The following FHIT variants were observed in gnomAD, a reference collection of about 807,000 sequenced individuals.
FHIT encodes fragile histidine triad diadenosine triphosphatase.
FHIT carries 19 observed loss-of-function variants against 17.9 expected under a neutral mutation model. The observed-to-expected ratio is 1.06, with a 90% CI of 0.74 to 1.56. The LOEUF (loss-of-function observed/expected upper bound fraction) is 1.56, where lower values mean the gene tolerates loss of function less well. Among genes scored for constraint, FHIT ranks in the 40% most tolerant of loss-of-function variants. The probability of loss-of-function intolerance (pLI) is 0.00; values close to 1 mark genes in which losing one functional copy is unlikely to be tolerated. For missense variants in FHIT, 248 were observed against 189.2 expected (o/e 1.31, Z -1.82); for synonymous variants, 81 against 69.7 (o/e 1.16, Z -0.81).
At chr3:59,890,844 G>T (rs1703824148) in intron 8 of FHIT, among the ~76,000 whole-genome samples, 1 of 152,182 alleles carries the variant, frequency 6.6e-6, no homozygotes, top group Non-Finnish European at 1.5e-5. Flanking sequence ...GCTTAGCTGA[G>T]CATTTTTCAA....
At chr3:60,877,167 C>T (rs1305347327) in intron 3 of FHIT, among the ~76,000 whole-genome samples, 1 of 152,186 alleles carries the variant, frequency 6.6e-6, no homozygotes, top group Admixed American at 6.5e-5. Context: ...GCCCACATGG[C>T]AACTGTGCTA....
chr3:60,282,102 G>T (rs970684619), intron 5 of FHIT, among the ~76,000 whole-genome samples: 4 of 152,166 alleles, frequency 2.6e-5, no homozygotes, highest in African/African-American at 7.2e-5. Flanking sequence ...CAGTTTTACA[G>T]TTTCTTATAA....
intron 2 of FHIT, among the ~76,000 whole-genome samples, chr3:61,183,974 T>C (rs1427781450): frequency 6.6e-6 from 1 of 152,064 alleles, no homozygotes; most frequent in Non-Finnish European, 1.5e-5. Flanking sequence ...CGCCCTCCAT[T>C]TTTTACTTCT....
intron 5 of FHIT, among the ~76,000 whole-genome samples, chr3:60,026,813 A>G (rs1199747044): frequency 6.6e-6 from 1 of 152,096 alleles, no homozygotes; most frequent in East Asian, 1.9e-4. Flanking sequence ...AAATTAGTAG[A>G]TCTGGCCAGG....
At chr3:59,913,835 TA>T (rs1338464500) in intron 8 of FHIT, among the ~76,000 whole-genome samples, 1 of 152,180 alleles carries the variant, frequency 6.6e-6, no homozygotes, top group Non-Finnish European at 1.5e-5. Context: ...AATAAACCAC[TA>T]TGTTGACTCA....
chr3:60,214,576 T>G (rs1365950671), intron 5 of FHIT, among the ~76,000 whole-genome samples: 2 of 152,140 alleles, frequency 1.3e-5, no homozygotes, highest in African/African-American at 4.8e-5. Context: ...GAATGTAAAT[T>G]AGTTCACTCA....
intron 3 of FHIT, among the ~76,000 whole-genome samples, chr3:60,855,850 A>G (rs1271990714): frequency 6.6e-6 from 1 of 152,148 alleles, no homozygotes; most frequent in Non-Finnish European, 1.5e-5. Flanking sequence ...TAAGACTGAC[A>G]AGATGAATGA....
At chr3:60,075,826 G>C (rs1392870048) in intron 5 of FHIT, among the ~76,000 whole-genome samples, 1 of 152,034 alleles carries the variant, frequency 6.6e-6, no homozygotes, top group Non-Finnish European at 1.5e-5. Flanking sequence ...ATGAAGCTGA[G>C]TTTATGCCCT....
intron 1 of FHIT, among the ~76,000 whole-genome samples, chr3:61,214,741 T>C (rs915047954): frequency 1.0e-3 from 152 of 152,264 alleles, no homozygotes; most frequent in Non-Finnish European, 1.8e-3. Flanking sequence ...TGATGAACAT[T>C]GATGCAAATA....
intron 2 of FHIT, among the ~76,000 whole-genome samples, chr3:61,160,613 G>A (rs2037660585): frequency 6.6e-6 from 1 of 152,012 alleles, no homozygotes; most frequent in Non-Finnish European, 1.5e-5. Flanking sequence ...AATAATGGTA[G>A]TCATGTCCTC....
intron 5 of FHIT, among the ~76,000 whole-genome samples, chr3:60,289,383 G>A (rs893538367): frequency 2.6e-5 from 4 of 152,100 alleles, no homozygotes; most frequent in Non-Finnish European, 5.9e-5. Context: ...GTTTGGGATC[G>A]AAAGGACCTT....
At chr3:60,435,405 A>G (rs2030128604) in intron 5 of FHIT, among the ~76,000 whole-genome samples, 2 of 151,506 alleles carry the variant, frequency 1.3e-5, no homozygotes, top group South Asian at 2.1e-4. Context: ...TTGATGTACT[A>G]TTGGGGAATT....
chr3:59,913,719 C>A (rs76999115), intron 8 of FHIT, among the ~76,000 whole-genome samples: 1 of 152,100 alleles, frequency 6.6e-6, no homozygotes, highest in Non-Finnish European at 1.5e-5. Context: ...TGACCACTAA[C>A]CTTACACTAG....
chr3:60,977,066 C>T (rs1237938703), intron 3 of FHIT, among the ~76,000 whole-genome samples: 1 of 152,046 alleles, frequency 6.6e-6, no homozygotes, highest in African/African-American at 2.4e-5. Flanking sequence ...CTGTTGACAC[C>T]CATGTCACAT....
intron 7 of FHIT, among the ~76,000 whole-genome samples, chr3:59,951,875 T>G (rs1707134162): frequency 6.6e-6 from 1 of 152,156 alleles, no homozygotes; most frequent in Non-Finnish European, 1.5e-5. Context: ...TTCTCCTCTC[T>G]CCATGTCTCT....
Position 60,976,106 on chromosome 3 carries a change from T to C in FHIT, c.-111+65941A>G, listed in dbSNP as rs902012355. On this transcript the variant is annotated intron_variant, in intron 3 of 9. Transcript: ENST00000492590. ...TTCGTTTTTCTTTTTCTTTTTTTTT[T>C]TTTTTTTTTTTTTTTTTTGAGACGG... 3.8e-3 allele frequency among the ~76,000 whole-genome samples: 474 copies of C among 123,204 alleles called. 4 individuals are homozygous for C. Among genetic ancestry groups the C allele is most frequent in the African/African-American group, 0.014 (452 of 31,648 alleles). 80.8% of individuals were successfully genotyped at this position (123,204 alleles called of 152,430 possible).
At chr3:60,737,121 T>C (rs1460401659) in intron 4 of FHIT, among the ~76,000 whole-genome samples, 2 of 152,194 alleles carry the variant, frequency 1.3e-5, no homozygotes, top group African/African-American at 2.4e-5. Flanking sequence ...TGCAACATAT[T>C]GCCACTGCCC....
At chr3:60,439,611 T>G (rs1479911109) in intron 5 of FHIT, among the ~76,000 whole-genome samples, 1 of 151,962 alleles carries the variant, frequency 6.6e-6, no homozygotes. Context: ...CAGGCACATC[T>G]CCCTTCTGAT....
chr3:60,078,407 C>T (rs1364562869), intron 5 of FHIT, among the ~76,000 whole-genome samples: 2 of 152,060 alleles, frequency 1.3e-5, no homozygotes, highest in African/African-American at 4.8e-5. Context: ...GAAGAAATGC[C>T]ACATCAGACA....
Sources: gnomAD v4.1 joint callset for allele counts (sites outside exome capture counted in the v4.1 genomes callset) on GRCh38, gnomAD v4.1.1 for gene constraint, MANE v1.5 for transcripts, NCBI Gene and HGNC (gene_info 2026-07-23, HGNC 2026-07-21) for gene names.